Variants in DMD observed in about 807,000 individuals in gnomAD.
The protein encoded by DMD is mutant dystrophin.
Under a neutral mutation model 330.1 loss-of-function variants are expected in DMD, and 63 were observed. The observed-to-expected ratio is 0.19, with a 90% CI of 0.16 to 0.24. The LOEUF is 0.24. DMD is among the 10% of genes least tolerant of loss of function. DMD has a pLI of 1.00. For missense variants in DMD, 3,344 were observed against 2,684.1 expected (o/e 1.25, Z -5.43); for synonymous variants, 1,223 against 959.8 (o/e 1.27, Z -5.07).
chrX:32,120,570 T>C (rs1052643085), intron 44 of DMD, among the ~76,000 whole-genome samples: 2 of 112,183 alleles, frequency 1.8e-5, no homozygotes, highest in Non-Finnish European at 3.8e-5. Context: ...AGGTGTTTTA[T>C]GGATTCAGAA....
chrX:32,625,706 A>G (rs767216038), intron 11 of DMD, among the ~76,000 whole-genome samples: 397 of 112,500 alleles, frequency 3.5e-3, no homozygotes, highest in Middle Eastern at 0.028. Context: ...AAATGTATAA[A>G]CATATATTAT....
intron 7 of DMD, among the ~76,000 whole-genome samples, chrX:32,772,188 C>T (rs66854422): frequency 0.086 from 9,623 of 112,242 alleles, 1,006 homozygotes; most frequent in African/African-American, 0.3. Context: ...GTCATTTAAA[C>T]AGGTCTTTGC....
intron 59 of DMD, among the ~76,000 whole-genome samples, chrX:31,450,721 T>TC (rs2065653655): frequency 1.8e-5 from 2 of 112,116 alleles, no homozygotes; most frequent in South Asian, 7.5e-4. Flanking sequence ...GCAAGAAAGT[T>TC]AAGTTGGGAT....
chrX:32,293,298 A>C (rs1034948042), intron 42 of DMD, among the ~76,000 whole-genome samples: 2 of 112,129 alleles, frequency 1.8e-5, no homozygotes, highest in Non-Finnish European at 3.8e-5. Context: ...TGCTCAGGAA[A>C]GGTGTTTAGG....
intron 52 of DMD, among the ~76,000 whole-genome samples, chrX:31,721,792 G>C (rs1249976001): frequency 1.1e-5 from 1 of 94,734 alleles, no homozygotes; most frequent in Non-Finnish European, 2.0e-5. Flanking sequence ...AGAGACAGCA[G>C]CATTCTAAAC....
At chrX:31,993,942 G>A (rs1161095742) in intron 44 of DMD, among the ~76,000 whole-genome samples, 1 of 111,274 alleles carries the variant, frequency 9.0e-6, no homozygotes. Flanking sequence ...ATGATAACGG[G>A]CATTGAAGCA....
At chrX:33,060,317 G>A (rs982453572) in intron 1 of DMD, among the ~76,000 whole-genome samples, 8 of 111,235 alleles carry the variant, frequency 7.2e-5, no homozygotes, top group African/African-American at 2.0e-4. Context: ...TGAGGAACAT[G>A]ATCAGATATC....
At chrX:32,568,291 C>T (rs906128594) in intron 15 of DMD, among the ~76,000 whole-genome samples, 11 of 111,229 alleles carry the variant, frequency 9.9e-5, no homozygotes, top group African/African-American at 2.9e-4. Context: ...GGGCGGATCA[C>T]GAGGTCAGGA....
chrX:32,901,152 G>T (rs1315111083), intron 2 of DMD, among the ~76,000 whole-genome samples: 1 of 111,563 alleles, frequency 9.0e-6, no homozygotes, highest in Non-Finnish European at 1.9e-5. Flanking sequence ...AATTAAGTCA[G>T]AGTTAAATAG....
chrX:31,748,695 T>C (rs777216790), intron 51 of DMD, among the ~76,000 whole-genome samples: 1 of 111,959 alleles, frequency 8.9e-6, no homozygotes, highest in African/African-American at 3.2e-5. Context: ...CTAGATATTG[T>C]ACATAGGAAA....
chrX:33,235,526 A>C (rs1213748879), intron 1 of DMD, among the ~76,000 whole-genome samples: 1 of 112,338 alleles, frequency 8.9e-6, no homozygotes, highest in East Asian at 2.8e-4. Flanking sequence ...AGTCCTACAC[A>C]CAACAATGGT....
chrX:32,918,393 G>T (rs762038019), intron 2 of DMD, among the ~76,000 whole-genome samples: 1 of 110,974 alleles, frequency 9.0e-6, no homozygotes, highest in South Asian at 3.8e-4. Flanking sequence ...GCACTCTGTC[G>T]CCCAGATGGT....
rs771081416 is a variant in DMD at position 33,249,791 on chromosome X, C to T, written c.7+89468G>A. Among the ~76,000 whole-genome samples the T allele has an allele frequency of 1.5e-4, 17 of 110,463 alleles. No homozygotes were observed. In the South Asian group the frequency reaches 6.2e-3, roughly 40 times the overall value. ...TCTTTTTATATGTTTATTAAACACA[C>T]ACATATTATTCCTAAAGACTAAAAT... On this transcript the variant is annotated intron_variant, in intron 1 of 17. Coordinates refer to the DMD transcript ENST00000288447.
chrX:32,648,107 A>G (rs1243644625), intron 9 of DMD, among the ~76,000 whole-genome samples: 1 of 111,968 alleles, frequency 8.9e-6, no homozygotes, highest in Non-Finnish European at 1.9e-5. Flanking sequence ...TGATATTTAC[A>G]CAGGATTGAA....
chrX:32,095,464 C>T (rs1020899667), intron 44 of DMD, among the ~76,000 whole-genome samples: 1 of 111,125 alleles, frequency 9.0e-6, no homozygotes, highest in African/African-American at 3.3e-5. Context: ...TTAAATTCCT[C>T]GAGACCAGGT....
rs770993869 is a variant in DMD at position 31,671,334 on chromosome X, T to C, written c.7872+8041A>G. 5.3e-5 allele frequency among the ~76,000 whole-genome samples: 6 copies of C among 112,830 alleles called. No homozygotes were observed. The South Asian group carries it at 2.2e-3, about 41-fold the overall frequency. On this transcript the variant is annotated intron_variant, in intron 53 of 78. Coordinates refer to ENST00000357033, the MANE Select transcript of DMD (RefSeq NM_004006.3). ...ACCATACGATTTTTGTCCTTTATTC[T>C]ATTGATATGGTATAATACATTGATT...
At chrX:32,462,326 T>C (rs2098386370) in intron 25 of DMD, among the ~76,000 whole-genome samples, 2 of 112,058 alleles carry the variant, frequency 1.8e-5, no homozygotes, top group African/African-American at 6.5e-5. Flanking sequence ...CTTATTTTAC[T>C]GTGCTCACCG....
chrX:32,936,862 C>T (rs1388315388), intron 2 of DMD, among the ~76,000 whole-genome samples: 1 of 111,943 alleles, frequency 8.9e-6, no homozygotes, highest in African/African-American at 3.2e-5. Context: ...GTCTGAGACA[C>T]TTCTGGCTAT....
chrX:31,224,288 A>C (rs1346832815), intron 63 of DMD, among the ~76,000 whole-genome samples: 1 of 112,306 alleles, frequency 8.9e-6, no homozygotes, highest in African/African-American at 3.2e-5. Flanking sequence ...GACTGCCATA[A>C]TCAAATGACA....
Sources: allele counts gnomAD v4.1 joint callset (sites outside exome capture counted in the v4.1 genomes callset), GRCh38; gene constraint gnomAD v4.1.1; transcripts MANE v1.5; gene names NCBI Gene and HGNC (gene_info 2026-07-23, HGNC 2026-07-21).